Variants in JMY observed in about 807,000 individuals in gnomAD.
JMY encodes junction-mediating and -regulatory protein.
Under a neutral mutation model 103.3 loss-of-function variants are expected in JMY, and 46 were observed. That is an observed-to-expected ratio of 0.45 (90% CI 0.35 to 0.57). The LOEUF (loss-of-function observed/expected upper bound fraction) is 0.57, where lower values mean the gene tolerates loss of function less well. Among genes scored for constraint, JMY ranks in the 20% least tolerant of loss-of-function variants. The pLI, the probability that JMY is intolerant of heterozygous loss-of-function variation, is 0.00. For synonymous variants in JMY, 526 were observed against 489.3 expected (o/e 1.07, Z -0.99); for missense variants, 1,238 against 1,255.2 (o/e 0.99, Z 0.21).
At chr5:79,259,617 C>G (rs377081528) in intron 1 of JMY, among the ~76,000 whole-genome samples, 2 of 152,232 alleles carry the variant, frequency 1.3e-5, no homozygotes, top group Admixed American at 1.3e-4. Context: ...GGCCTCTCTT[C>G]TGTGCTCATT....
rs62366074 is a variant in JMY, at chr5:79,252,881, A to G, written c.1032+15199A>G. On this transcript the variant is annotated intron_variant, in intron 1 of 10. Transcript: ENST00000396137. ...TCTTGTTTTTTAATCCATTCAGTCC[A>G]TCTGTGTCTAACAATTGGAGAGTTT... Among the ~76,000 whole-genome samples the G allele has an allele frequency of 5.2e-3, 798 of 152,240 alleles. 4 individuals are homozygous for G. The highest frequency in any genetic ancestry group is 8.7e-3 in the Non-Finnish European group (589 of 68,014).
chr5:79,262,799 G>C (rs1031529588), intron 1 of JMY, among the ~76,000 whole-genome samples: 4 of 152,160 alleles, frequency 2.6e-5, no homozygotes, highest in Non-Finnish European at 2.9e-5. Context: ...TCTGTCTGAG[G>C]ACAAAAAGCA....
chr5:79,289,719 A>C (rs891325894), intron 2 of JMY, among the ~76,000 whole-genome samples: 6 of 152,062 alleles, frequency 3.9e-5, no homozygotes, highest in Admixed American at 6.6e-5. Context: ...GTGAAAATCC[A>C]GGTTTTCAAT....
At chr5:79,260,953 T>TG (rs2112065788) in intron 1 of JMY, among the ~76,000 whole-genome samples, 1 of 152,238 alleles carries the variant, frequency 6.6e-6, no homozygotes, top group South Asian at 2.1e-4. Flanking sequence ...GTTCCTTCCA[T>TG]CCAAGTATCC....
chr5:79,237,868 T>A (rs891453812), intron 1 of JMY, among the ~76,000 whole-genome samples, 186 bp downstream of exon 1: 1 of 149,132 alleles, frequency 6.7e-6, no homozygotes, highest in African/African-American at 2.5e-5. Context: ...TAATTGACTC[T>A]CTGAAGGACC....
rs551787119 is a variant in JMY at position 79,304,779 on chromosome 5, T to C, written c.1882-1596T>C. On this transcript the variant is annotated intron_variant, in intron 6 of 10. Transcript: ENST00000396137. ...TGGTATATACAACTTAACACCATTC[T>C]CTAAATTATCAAAAAACTTTGAATT... 8.6e-4 allele frequency among the ~76,000 whole-genome samples: 131 copies of C among 152,368 alleles called. 1 individual carries two copies. Among genetic ancestry groups the C allele is most frequent in the African/African-American group, 3.1e-3 (129 of 41,594 alleles).
chr5:79,283,311 A>G (rs1428850627), intron 2 of JMY, among the ~76,000 whole-genome samples: 1 of 152,150 alleles, frequency 6.6e-6, no homozygotes, highest in East Asian at 1.9e-4. Context: ...AATTTAATAT[A>G]AAGAATTTGT....
intron 1 of JMY, among the ~76,000 whole-genome samples, chr5:79,257,471 T>C (rs1448415696): frequency 6.6e-6 from 1 of 152,146 alleles, no homozygotes; most frequent in Non-Finnish European, 1.5e-5. Flanking sequence ...GGCATGGTGA[T>C]GTAAGCCTGT....
In JMY at chr5:79,290,662, A is replaced by G. The variant is rs1233484846; in HGVS notation, c.1357+391A>G. Among the ~76,000 whole-genome samples the G allele has an allele frequency of 4.9e-4, 74 of 152,194 alleles. 2 individuals are homozygous for G. The highest frequency in any genetic ancestry group is 1.2e-4 in the Non-Finnish European group (8 of 68,036). ...CGTTATTTCTGAGGACAGATTGAAG[A>G]CATTAGAATCTAAGATACTCTCAAA... On this transcript the variant is annotated intron_variant, in intron 3 of 10. Coordinates refer to ENST00000396137, the MANE Select transcript of JMY (RefSeq NM_152405.5).
At chr5:79,265,470 G>A (rs1745558281) in intron 1 of JMY, among the ~76,000 whole-genome samples, 1 of 152,162 alleles carries the variant, frequency 6.6e-6, no homozygotes, top group African/African-American at 2.4e-5. Flanking sequence ...GGTTTCATTT[G>A]TAACAAGTTC....
chr5:79,269,736 A>ATT (rs905517032), intron 1 of JMY, among the ~76,000 whole-genome samples: 2 of 149,150 alleles, frequency 1.3e-5, no homozygotes, highest in South Asian at 4.2e-4. Flanking sequence ...TTTTTTATTT[A>ATT]TTTTTTTTTT....
intron 2 of JMY, chr5:79,284,607 T>G (rs1305530364): frequency 6.5e-7 from 1 of 1,545,506 alleles, no homozygotes; most frequent in Non-Finnish European, 8.8e-7. Flanking sequence ...TTGTCACAGG[T>G]AAGATCCATG....
intron 2 of JMY, 72 bp downstream of exon 2, chr5:79,278,155 C>A: frequency 8.6e-6 from 9 of 1,049,892 alleles, no homozygotes; most frequent in South Asian, 2.2e-5. Flanking sequence ...CATGCGTTAT[C>A]CACAAGAGGA....
intron 1 of JMY, among the ~76,000 whole-genome samples, chr5:79,242,239 A>G (rs1744762138): frequency 6.6e-6 from 1 of 152,192 alleles, no homozygotes; most frequent in South Asian, 2.1e-4. Flanking sequence ...AGTCAGAAAC[A>G]CCTAGGTTGA....
At position 79,314,464 on chromosome 5, in the gene JMY, C is replaced by T. The variant is rs762744488; in HGVS notation, c.2272C>T (p.Leu758Phe). 3 of 1,614,164 alleles carry T rather than the reference C, an allele frequency of 1.9e-6. 1 individual carries two copies. The highest frequency in any genetic ancestry group is 2.2e-5 in the South Asian group (2 of 91,074). ...QTTEPQSLVQ[L>F]EDTSLTQLEA... Reference sequence around the variant, plus strand: ...AACAGAACCCCAGAGCCTTGTGCAACTTGAAGATACTTCATTAACACAACT... The same window carrying T: ...AACAGAACCCCAGAGCCTTGTGCAATTTGAAGATACTTCATTAACACAACT... The change falls in exon 9 of 11, where the codon CTT becomes TTT. Residue 758 changes from leucine (L) to phenylalanine (F), a missense_variant. By Grantham distance (22) the Leu-to-Phe change is conservative. Coordinates refer to ENST00000396137, the MANE Select transcript of JMY (RefSeq NM_152405.5).
At chr5:79,267,387 A>T (rs1351557177) in intron 1 of JMY, among the ~76,000 whole-genome samples, 1 of 152,054 alleles carries the variant, frequency 6.6e-6, no homozygotes, top group Non-Finnish European at 1.5e-5. Flanking sequence ...CCATCTGTTC[A>T]TTGGAGTGCT....
At chr5:79,270,910 T>C (rs1183955136) in intron 1 of JMY, among the ~76,000 whole-genome samples, 1 of 151,962 alleles carries the variant, frequency 6.6e-6, no homozygotes, top group African/African-American at 2.4e-5. Flanking sequence ...TTTAGCCTGT[T>C]TTTGTAGTAG....
rs534425326 is a variant in JMY, at chr5:79,282,463, A to T, written c.1206+4380A>T. On this transcript the variant is annotated intron_variant, in intron 2 of 10. Transcript: ENST00000396137. ...TATATCTCAATAAACGTGATTTTTT[A>T]AAAAAAGTTAAATGTGAAGAATGTA... 3.5e-4 allele frequency among the ~76,000 whole-genome samples: 53 copies of T among 152,300 alleles called. 1 individual carries two copies. In the South Asian group the frequency reaches 7.9e-3, roughly 23 times the overall value.
rs1425198270 is a variant in JMY, at chr5:79,312,467, G to C, written c.2033G>C (p.Arg678Thr). The stretch of plus-strand genomic sequence containing the variant: ...GCCTGGGTTAGCCAAGAGAGACAGA[G>C]AACACTGGATAGACTTCGAACATTT... ...KSAWVSQERQ[R>T]TLDRLRTFKQ... is the part of the protein sequence containing the mutation. Residue 678 changes from arginine to threonine, a missense_variant, in exon 8 of 11, where the codon AGA becomes ACA. Coordinates refer to ENST00000396137, the MANE Select transcript of JMY (RefSeq NM_152405.5). 6.3e-7 allele frequency: 1 copy of C among 1,577,566 alleles called. No individual in the cohort carries two copies. The highest frequency in any genetic ancestry group is 2.3e-5 in the East Asian group (1 of 43,852).
Sources: gnomAD v4.1 joint callset for allele counts (sites outside exome capture counted in the v4.1 genomes callset) on GRCh38, gnomAD v4.1.1 for gene constraint, MANE v1.5 for transcripts, NCBI Gene and HGNC (gene_info 2026-07-23, HGNC 2026-07-21) for gene names.